The following ANK3 variants were observed in gnomAD, a reference collection of about 807,000 sequenced individuals.
ANK3 encodes the protein ankyrin 3.
In ANK3, 57 loss-of-function variants were observed where a neutral mutation model predicts 370.9. The ratio of observed to expected loss-of-function variants is 0.15; its 90% CI spans 0.12 to 0.19. ANK3 has a LOEUF of 0.19. Ranked by LOEUF, ANK3 falls within the 10% of genes least tolerant of loss-of-function variation. ANK3 has a pLI of 1.00. For synonymous variants in ANK3, 1,929 were observed against 1,946.3 expected, an observed-to-expected ratio of 0.99 and a Z score of 0.23; for missense variants, 4,439 against 5,302.1, an observed-to-expected ratio of 0.84 and a Z score of 5.06.
chr10:60,450,599 G>A (rs991368099), intron 2 of ANK3, among the ~76,000 whole-genome samples: 3 of 152,136 alleles, frequency 2.0e-5, no homozygotes, highest in African/African-American at 7.2e-5. Context: ...AAAAAATTAA[G>A]AGGGATGAAA....
chr10:60,648,158 C>CTTTT lies in ANK3; in HGVS notation c.58-32938_58-32935dup, dbSNP rs35974681. Among the ~76,000 whole-genome samples, 558 of 101,560 alleles carry CTTTT rather than the reference C, an allele frequency of 5.5e-3. 53 individuals carry two copies. The highest frequency in any genetic ancestry group is 0.018 in the African/African-American group (446 of 25,374). 66.6% of individuals were successfully genotyped at this position (101,560 alleles called of 152,430 possible). A position where few individuals can be genotyped will look rare whatever the true frequency, so the allele number is the denominator to read the frequency against. On this transcript the variant is annotated intron_variant, in intron 1 of 43. Coordinates refer to the ANK3 transcript ENST00000373827. Reference sequence around the variant, plus strand: ...CTGCGGCCAGCCTCTTTTTTTTTTCCTTTTTTTTTTTTGAGATGGAGTCTC... The same window carrying CTTTT: ...CTGCGGCCAGCCTCTTTTTTTTTTCCTTTTTTTTTTTTTTTTGAGATGGAGTCTC...
chr10:60,135,089 C>T (rs1056342693), intron 24 of ANK3, among the ~76,000 whole-genome samples: 3 of 152,190 alleles, frequency 2.0e-5, no homozygotes, highest in Non-Finnish European at 4.4e-5. Context: ...CCTGATATGC[C>T]ATCATCACAG....
chr10:60,370,331 A>G (rs1284727165), intron 1 of ANK3, among the ~76,000 whole-genome samples: 3 of 152,192 alleles, frequency 2.0e-5, no homozygotes, highest in African/African-American at 7.2e-5. Flanking sequence ...TTTTAATGCT[A>G]TTACAGCATG....
At chr10:60,661,797 G>A (rs1288202604) in intron 1 of ANK3, among the ~76,000 whole-genome samples, 1 of 152,122 alleles carries the variant, frequency 6.6e-6, no homozygotes, top group African/African-American at 2.4e-5. Context: ...CCACCCACTG[G>A]GAGGCCCTGA....
chr10:60,277,024 T>G (rs774353023), intron 4 of ANK3, among the ~76,000 whole-genome samples: 1 of 152,182 alleles, frequency 6.6e-6, no homozygotes, highest in Non-Finnish European at 1.5e-5. Context: ...AAGAGAACTC[T>G]CCTAGGGAAT....
intron 1 of ANK3, among the ~76,000 whole-genome samples, chr10:60,386,313 T>C (rs1014561456): frequency 1.3e-5 from 2 of 151,688 alleles, no homozygotes; most frequent in Non-Finnish European, 2.9e-5. Flanking sequence ...GGGGCATTTG[T>C]AAGTGCATTG....
intron 1 of ANK3, among the ~76,000 whole-genome samples, chr10:60,315,126 G>T (rs1050206282): frequency 1.3e-5 from 2 of 152,126 alleles, no homozygotes; most frequent in Non-Finnish European, 2.9e-5. Flanking sequence ...TTTATAGGAT[G>T]GTAGGGGTTA....
intron 2 of ANK3, among the ~76,000 whole-genome samples, chr10:60,421,103 T>C (rs1471333865): frequency 1.3e-5 from 2 of 152,070 alleles, no homozygotes; most frequent in Non-Finnish European, 2.9e-5. Context: ...AAATACTGTA[T>C]GATTATACTT....
At chr10:60,275,601 G>A (rs1448778536) in intron 4 of ANK3, among the ~76,000 whole-genome samples, 3 of 152,056 alleles carry the variant, frequency 2.0e-5, no homozygotes, top group Admixed American at 2.0e-4. Context: ...GGTCACAGAG[G>A]CTCAATCTGA....
At chr10:60,616,916 C>T (rs540888454) in intron 1 of ANK3, among the ~76,000 whole-genome samples, 1 of 152,054 alleles carries the variant, frequency 6.6e-6, no homozygotes, top group South Asian at 2.1e-4. Context: ...ACTTTTTATT[C>T]GAGTTATTTT....
chr10:60,258,293 C>A (rs547221274), intron 7 of ANK3, among the ~76,000 whole-genome samples: 1 of 152,344 alleles, frequency 6.6e-6, no homozygotes, highest in Admixed American at 6.5e-5. Flanking sequence ...ACTACATTAA[C>A]TCCCTGCAGC....
chr10:60,183,885 G>A (rs2096262803), intron 17 of ANK3, among the ~76,000 whole-genome samples: 1 of 150,868 alleles, frequency 6.6e-6, no homozygotes, highest in African/African-American at 2.4e-5. Context: ...GTATTTATTT[G>A]AAACAGAGAA....
upstream of ANK3, among the ~76,000 whole-genome samples, chr10:60,391,879 G>A (rs1336174476): frequency 1.3e-5 from 2 of 152,172 alleles, no homozygotes; most frequent in African/African-American, 2.4e-5. Context: ...ACTCTATAAT[G>A]TGACTTTTTT....
At chr10:60,568,977 C>A (rs573133568) in intron 2 of ANK3, among the ~76,000 whole-genome samples, 25 of 152,208 alleles carry the variant, frequency 1.6e-4, no homozygotes, top group Admixed American at 1.2e-3. Flanking sequence ...CATGCTGACA[C>A]CCTAATCTCA....
intron 33 of ANK3, 26 bp from the exon 34 acceptor site, chr10:60,082,763 T>G: frequency 6.2e-7 from 1 of 1,605,790 alleles, no homozygotes; most frequent in Non-Finnish European, 8.5e-7. Context: ...TAGTTGATGG[T>G]TATAGAATGA....
chr10:60,728,586 A>G (rs1280833988), intron 1 of ANK3, among the ~76,000 whole-genome samples: 3 of 152,220 alleles, frequency 2.0e-5, no homozygotes, highest in African/African-American at 7.2e-5. Flanking sequence ...ATTTTTTTAA[A>G]TCGTAGACTG....
chr10:60,239,955 A>G (rs1222717749), intron 7 of ANK3, among the ~76,000 whole-genome samples: 1 of 150,844 alleles, frequency 6.6e-6, no homozygotes, highest in Non-Finnish European at 1.5e-5. Context: ...TTTTATACAT[A>G]AATATATATG....
chr10:60,731,130 T>G (rs7093718), intron 1 of ANK3, among the ~76,000 whole-genome samples: 23,307 of 152,142 alleles, frequency 0.15, 2,116 homozygotes, highest in East Asian at 0.28. Flanking sequence ...TGGGGAAAAC[T>G]GCTGAGAGTC....
At chr10:60,426,516 C>T (rs931721848) in intron 2 of ANK3, among the ~76,000 whole-genome samples, 10 of 152,038 alleles carry the variant, frequency 6.6e-5, no homozygotes, top group African/African-American at 2.2e-4. Flanking sequence ...AACTCATGGG[C>T]AGGAGACGCA....
Sources: gnomAD v4.1 joint callset for allele counts (sites outside exome capture counted in the v4.1 genomes callset) on GRCh38, gnomAD v4.1.1 for gene constraint, MANE v1.5 for transcripts, NCBI Gene and HGNC (gene_info 2026-07-23, HGNC 2026-07-21) for gene names.